Variants in MYO1F observed in about 807,000 individuals in gnomAD.
MYO1F encodes the protein myosin IF, also known as unconventional myosin-If.
In MYO1F, 60 loss-of-function variants were observed where a neutral mutation model predicts 146.6. The observed-to-expected ratio is 0.41, with a 90% CI of 0.33 to 0.51. The LOEUF (loss-of-function observed/expected upper bound fraction) is 0.51. Among genes scored for constraint, MYO1F ranks in the 20% least tolerant of loss-of-function variants. The pLI, the probability that MYO1F is intolerant of heterozygous loss-of-function variation, is 0.25. For synonymous variants in MYO1F, 602 were observed against 602.1 expected (o/e 1.00, Z 0.00); for missense variants, 1,274 against 1,534.3 (o/e 0.83, Z 2.83).
At chr19:8,543,517 G>A (rs1599952677) in intron 14 of MYO1F, among the ~76,000 whole-genome samples, 1 of 151,942 alleles carries the variant, frequency 6.6e-6, no homozygotes, top group East Asian at 1.9e-4. Flanking sequence ...AGGCAGTCTG[G>A]TACCCAAGCT....
In MYO1F at chr19:8,521,483, G is replaced by A. The variant is rs1215432426; in HGVS notation, c.*45C>T. 1 of 1,600,022 alleles carries A rather than the reference G, an allele frequency of 6.2e-7. No individual in the cohort carries two copies. Among genetic ancestry groups the A allele is most frequent in the Non-Finnish European group, 8.5e-7 (1 of 1,169,838 alleles). ...GGCCTGGCTCCCCACCAGGCCGGCA[G>A]GCAGATAGGCGGGCGAAAGAGAAGG... On this transcript the variant is annotated 3_prime_UTR_variant, in exon 28 of 28. Transcript: ENST00000644032.
intron 1 of MYO1F, among the ~76,000 whole-genome samples, chr19:8,568,340 G>A (rs1017716327): frequency 6.8e-6 from 1 of 147,422 alleles, no homozygotes; most frequent in Non-Finnish European, 1.5e-5. Flanking sequence ...GGAGAATGGC[G>A]TGAACCTGGG....
chr19:8,530,616 C>T lies in MYO1F; in HGVS notation c.2044-43G>A, dbSNP rs916365258. ...GGGGCAAGGGTGAGTCCTGGTGTCT[C>T]CCCAGGGGCTGCAGTTCCGGGTTTT... is the stretch of plus-strand genomic sequence containing the variant. On this transcript the variant is annotated intron_variant, in intron 19 of 27. Coordinates refer to ENST00000644032, the MANE Select transcript of MYO1F (RefSeq NM_012335.4). This position sits in a 1 kb window ranked among gnomAD's most constrained non-coding sequence, Gnocchi z 5.8. 6.7e-7 allele frequency: 1 copy of T among 1,484,774 alleles called. No individual in the cohort carries two copies. Among genetic ancestry groups the T allele is most frequent in the African/African-American group, 1.4e-5 (1 of 72,598 alleles). The allele number at this position is 1,484,774 out of a possible 1,614,324, so 92.0% of individuals were successfully genotyped here.
intron 1 of MYO1F, among the ~76,000 whole-genome samples, chr19:8,558,693 G>T (rs117077244): frequency 0.014 from 2,180 of 152,210 alleles, 19 homozygotes; most frequent in Middle Eastern, 0.048. Flanking sequence ...TACCCCATTT[G>T]GTGAACTGAT....
chr19:8,525,698 G>T, intron 24 of MYO1F, 136 bp from the exon 25 acceptor site: 1 of 770,412 alleles, frequency 1.3e-6, no homozygotes, highest in Non-Finnish European at 2.2e-6. Context: ...CTTAGGTACA[G>T]TTACACTGGC....
At position 8,526,500 on chromosome 19, in the gene MYO1F, C is replaced by T. The variant is rs746093528; in HGVS notation, c.2723G>A (p.Gly908Asp). Residue 908 changes from glycine to aspartate, a missense_variant, in exon 24 of 28, where the codon GGT (glycine) becomes GAT (aspartate). By Grantham distance (94) the Gly-to-Asp change is moderately conservative (BLOSUM62 -1). This residue lies in a region of MYO1F where 374 missense variants were observed against 379.2 expected (regional missense o/e 0.99). Coordinates refer to ENST00000644032, the MANE Select transcript of MYO1F (RefSeq NM_012335.4). ...FGDLAVLKVG[G>D]RTLTVSVGDG... Reference sequence around the variant, plus strand: ...GCCCACGCTGACCGTGAGGGTCCGACCGCCAACCTTGAGCACTGCCAAGTC... The same window carrying T: ...GCCCACGCTGACCGTGAGGGTCCGATCGCCAACCTTGAGCACTGCCAAGTC... 6.3e-7 allele frequency: 1 copy of T among 1,576,064 alleles called. No homozygotes were observed. Among genetic ancestry groups the T allele is most frequent in the Non-Finnish European group, 8.6e-7 (1 of 1,161,870 alleles).
chr19:8,526,705 C>T, intron 23 of MYO1F, 84 bp downstream of exon 23: 3 of 1,532,978 alleles, frequency 2.0e-6, no homozygotes, highest in South Asian at 1.2e-5. Context: ...GGCCGAAGCG[C>T]AGTTCGGCCG....
intron 1 of MYO1F, among the ~76,000 whole-genome samples, chr19:8,569,598 C>A (rs2042072057): frequency 6.6e-6 from 1 of 152,086 alleles, no homozygotes; most frequent in South Asian, 2.1e-4. Context: ...AGAACCTGCC[C>A]TTGGGGGGCT....
intron 1 of MYO1F, among the ~76,000 whole-genome samples, chr19:8,569,483 T>C (rs1180584855): frequency 6.6e-6 from 1 of 151,982 alleles, no homozygotes; most frequent in Admixed American, 6.6e-5. Flanking sequence ...GTGAAGGTGA[T>C]GGTGCCTATG....
intron 14 of MYO1F, chr19:8,544,029 G>C (rs1324998668): frequency 2.7e-5 from 15 of 546,050 alleles, no homozygotes; most frequent in Middle Eastern, 4.9e-4. Flanking sequence ...GGTGGCGGTG[G>C]CGGTGGCGGT....
intron 22 of MYO1F, 83 bp downstream of exon 22, chr19:8,527,255 G>T (rs1344441827): frequency 2.1e-5 from 33 of 1,579,466 alleles, no homozygotes; most frequent in Non-Finnish European, 2.8e-5. Flanking sequence ...AAGATTGTCA[G>T]GGTAACAGAC....
intron 8 of MYO1F, 151 bp downstream of exon 8, chr19:8,551,589 T>G: frequency 1.7e-5 from 19 of 1,111,364 alleles, no homozygotes; most frequent in Non-Finnish European, 2.0e-5. Flanking sequence ...TGACCTTAAG[T>G]GATCTACCTG....
intron 14 of MYO1F, among the ~76,000 whole-genome samples, chr19:8,543,675 C>CTGGTGGTGGTGGTGGTGGTGGTGGTGG (rs1191447239): frequency 5.5e-5 from 2 of 36,196 alleles, no homozygotes; most frequent in African/African-American, 2.6e-4. Context: ...GGTGGTGGTG[C>CTGGTGGTGGTGGTGGTGGTGGTGGTGG]TGGTGGTGGT....
chr19:8,548,122 T>C lies in MYO1F; in HGVS notation c.1183A>G (p.Lys395Glu). The C allele has an allele frequency of 6.2e-7, 1 of 1,614,072 alleles. No individual in the cohort carries two copies. The highest frequency in any genetic ancestry group is 8.5e-7 in the Non-Finnish European group (1 of 1,180,008). The change falls in exon 12 of 28, where the codon AAA becomes GAA. Residue 395 changes from lysine to glutamate, a missense_variant and splice_region_variant. Around this residue, in one of 2 missense-constraint regions of MYO1F, gnomAD observed 900 missense variants for 1,155.1 expected, o/e 0.78. Transcript: ENST00000644032. Reference protein sequence around the residue: ...LDIYGFEIFQKNGFEQFCINF... With the variant: ...LDIYGFEIFQENGFEQFCINF... ...ATGCAAAACTGCTCGAAGCCATTTTTCTGCAGAAGGAGGAAAAGGGTCCTT... is the reference window on the plus strand; with the variant it reads ...ATGCAAAACTGCTCGAAGCCATTTTCCTGCAGAAGGAGGAAAAGGGTCCTT...
chr19:8,531,977 G>C (rs1185349061), intron 19 of MYO1F, among the ~76,000 whole-genome samples: 9 of 152,088 alleles, frequency 5.9e-5, no homozygotes, highest in Non-Finnish European at 4.4e-5. Flanking sequence ...AGTTAGCCGG[G>C]TGTGGTGGCG....
chr19:8,571,346 C>A (rs753971231), intron 1 of MYO1F, among the ~76,000 whole-genome samples: 2 of 152,176 alleles, frequency 1.3e-5, no homozygotes, highest in Non-Finnish European at 2.9e-5. Flanking sequence ...AAACAACATT[C>A]TCACCTCCAA....
intron 4 of MYO1F, among the ~76,000 whole-genome samples, chr19:8,553,894 A>ACACACTCTCTCTCTCTCTCTCT: frequency 9.7e-6 from 1 of 102,606 alleles, no homozygotes; most frequent in Non-Finnish European, 1.9e-5. Context: ...ACACACACAC[A>ACACACTCTCTCTCTCTCTCTCT]CTCTCTCTCT....
At chr19:8,541,710 T>C in intron 15 of MYO1F, 196 bp downstream of exon 15, 1 of 625,438 alleles carries the variant, frequency 1.6e-6, no homozygotes, top group East Asian at 2.8e-5. Flanking sequence ...ATTACAGGCG[T>C]GAGCCACTGC....
chr19:8,528,041 G>T (rs1972339681), intron 21 of MYO1F, among the ~76,000 whole-genome samples: 1 of 151,496 alleles, frequency 6.6e-6, no homozygotes. Context: ...GACCAACATG[G>T]TGAAACCCCG....
Sources: gnomAD v4.1 joint callset for allele counts (sites outside exome capture counted in the v4.1 genomes callset) on GRCh38, gnomAD v4.1.1 for gene constraint, gnomAD v4.1.1 regional missense constraint, Gnocchi (gnomAD v3.1) non-coding constraint, MANE v1.5 for transcripts, NCBI Gene and HGNC (gene_info 2026-07-23, HGNC 2026-07-21) for gene names.